Variants in ADAM19 observed in about 807,000 individuals in gnomAD.
The protein encoded by ADAM19 is disintegrin and metalloproteinase domain-containing protein 19.
Under a neutral mutation model 114.7 loss-of-function variants are expected in ADAM19, and 65 were observed. The observed-to-expected ratio is 0.57, with a 90% CI of 0.46 to 0.70. The LOEUF is 0.70. Among genes scored for constraint, ADAM19 ranks in the 30% least tolerant of loss-of-function variants. The probability of loss-of-function intolerance (pLI) is 0.00; values close to 1 mark genes in which losing one functional copy is unlikely to be tolerated. For synonymous variants in ADAM19, 466 were observed against 460.5 expected, an observed-to-expected ratio of 1.01 and a Z score of -0.15; for missense variants, 1,063 against 1,204.7, an observed-to-expected ratio of 0.88 and a Z score of 1.74.
intron 12 of ADAM19, among the ~76,000 whole-genome samples, chr5:157,500,739 T>C (rs1180217183): frequency 6.6e-6 from 1 of 152,210 alleles, no homozygotes; most frequent in Non-Finnish European, 1.5e-5. Flanking sequence ...AAGATCTCCA[T>C]GGGTTCCTTG....
At chr5:157,502,662 C>G (rs1755605833) in intron 12 of ADAM19, 141 bp downstream of exon 12, 9 of 913,948 alleles carry the variant, frequency 9.8e-6, no homozygotes, top group Non-Finnish European at 1.4e-5. Context: ...TTCTTCATAT[C>G]TGATTTTTCA....
intron 3 of ADAM19, among the ~76,000 whole-genome samples, chr5:157,542,425 T>C (rs368738010): frequency 3.3e-5 from 5 of 152,168 alleles, no homozygotes; most frequent in African/African-American, 9.7e-5. Flanking sequence ...TCGGAATGCT[T>C]TGGTTTAAGC....
chr5:157,575,546 G>T, intron 1 of ADAM19, 57 bp downstream of exon 1: 1 of 1,324,110 alleles, frequency 7.6e-7, no homozygotes, highest in Non-Finnish European at 9.9e-7. Flanking sequence ...GACCCGCAAG[G>T]CTACTCCCAG....
chr5:157,567,091 C>T (rs575732000), intron 2 of ADAM19, among the ~76,000 whole-genome samples: 1 of 152,208 alleles, frequency 6.6e-6, no homozygotes, highest in South Asian at 2.1e-4. Flanking sequence ...GTCACCTGTT[C>T]TGCCACCTCT....
At chr5:157,564,735 A>G (rs1366188739) in intron 2 of ADAM19, among the ~76,000 whole-genome samples, 1 of 152,232 alleles carries the variant, frequency 6.6e-6, no homozygotes, top group African/African-American at 2.4e-5. Context: ...AATCTCCAGC[A>G]GTAAATGTCC....
Position 157,530,866 on chromosome 5 carries a change from G to A in ADAM19, c.348C>T (p.His116=), listed in dbSNP as rs150188867. ...ACAGTTCTGTCTCCCTCACCGTGCC[G>A]TGGTAAAAGCAGTGATCCTAGCAAG... ...TRKLEDHCFY[H]GTVRETELSS... The change falls in exon 5 of 23, where the codon CAC becomes CAT. Residue 116 remains histidine, a synonymous_variant. Coordinates refer to ENST00000257527, the MANE Select transcript of ADAM19 (RefSeq NM_033274.5). The A allele has an allele frequency of 5.0e-6, 8 of 1,614,034 alleles. No individual in the cohort carries two copies. Among genetic ancestry groups the A allele is most frequent in the East Asian group, 2.2e-5 (1 of 44,900 alleles).
At position 157,477,454 on chromosome 5, in the gene ADAM19, C is replaced by A; in HGVS notation, c.*3495G>T. On this transcript the variant is annotated 3_prime_UTR_variant, in exon 23 of 23. Coordinates refer to ENST00000257527, the MANE Select transcript of ADAM19 (RefSeq NM_033274.5). ...GAGAAGAAGATCTGTTTTCCGTGAA[C>A]AATCTCCCAAATAAAAAGAAAATTC... 9.7e-7 allele frequency: 1 copy of A among 1,033,132 alleles called. No individual in the cohort carries two copies. Among genetic ancestry groups the A allele is most frequent in the Non-Finnish European group, 1.2e-6 (1 of 855,582 alleles). The allele number at this position is 1,033,132 out of a possible 1,614,324, so 64.0% of individuals were successfully genotyped here. A position where few individuals can be genotyped will look rare whatever the true frequency, so the allele number is the denominator to read the frequency against.
rs55867903 is a variant in ADAM19 at position 157,498,688 on chromosome 5, G to GTATATATATATATA, written c.1398+871_1398+884dup. Among the ~76,000 whole-genome samples the GTATATATATATATA allele has an allele frequency of 2.4e-3, 351 of 143,842 alleles. 4 individuals carry two copies. In the East Asian group the frequency reaches 0.044, roughly 18 times the overall value. The allele number at this position is 143,842 out of a possible 152,430, so 94.4% of individuals were successfully genotyped here. On this transcript the variant is annotated intron_variant, in intron 13 of 22. Coordinates refer to ENST00000257527, the MANE Select transcript of ADAM19 (RefSeq NM_033274.5). ...CATATATAATTACACATGTGTGTATGTATATATATATATATATATATATGG... is the reference window on the plus strand; with the variant it reads ...CATATATAATTACACATGTGTGTATGTATATATATATATATATATATATATATATATATATATGG...
At chr5:157,491,564 G>A in intron 18 of ADAM19, 51 bp downstream of exon 18, 1 of 1,307,054 alleles carries the variant, frequency 7.7e-7, no homozygotes, top group Non-Finnish European at 1.0e-6. Flanking sequence ...TGCCCCTGAT[G>A]CCCGCTCTTC....
chr5:157,530,730 C>T, intron 5 of ADAM19, 77 bp downstream of exon 5: 1 of 1,305,344 alleles, frequency 7.7e-7, no homozygotes, highest in Non-Finnish European at 1.1e-6. Flanking sequence ...AAGGTCCTTG[C>T]CTCAGCCTTG....
chr5:157,477,855 C>CGGCGACCACCG lies in ADAM19; in HGVS notation c.*3093_*3094insCGGTGGTCGCC. On this transcript the variant is annotated 3_prime_UTR_variant, in exon 23 of 23. Transcript: ENST00000257527. ...TCAGGGGGAAGGGACTATGGCAATA[C>CGGCGACCACCG]AAAAAAACACTCCAACCAGAAAATC... is the stretch of plus-strand genomic sequence containing the variant. 2 of 513,260 alleles carry CGGCGACCACCG rather than the reference C, an allele frequency of 3.9e-6. No homozygotes were observed. Among genetic ancestry groups the CGGCGACCACCG allele is most frequent in the East Asian group, 7.3e-5 (1 of 13,792 alleles). The allele number at this position is 513,260 out of a possible 1,614,324, so 31.8% of individuals were successfully genotyped here. A position where few individuals can be genotyped will look rare whatever the true frequency, so the allele number is the denominator to read the frequency against.
At chr5:157,511,897 T>C (rs1015060512) in intron 8 of ADAM19, among the ~76,000 whole-genome samples, 1 of 152,232 alleles carries the variant, frequency 6.6e-6, no homozygotes, top group East Asian at 1.9e-4. Context: ...GGACTGGGGC[T>C]TGCTGGTGCC....
intron 3 of ADAM19, among the ~76,000 whole-genome samples, chr5:157,560,300 T>C (rs888920273): frequency 7.1e-6 from 1 of 141,634 alleles, no homozygotes; most frequent in Non-Finnish European, 1.5e-5. Context: ...AAAGAGGTAG[T>C]GCAGAAAGAG....
intron 2 of ADAM19, among the ~76,000 whole-genome samples, chr5:157,564,886 T>C (rs188457008): frequency 3.1e-3 from 478 of 152,270 alleles, no homozygotes; most frequent in South Asian, 0.024. Flanking sequence ...GGGGATCTTG[T>C]AAGGATTGAG....
In ADAM19 at chr5:157,518,899, G is replaced by A; in HGVS notation, c.601-11C>T. The A allele has an allele frequency of 1.2e-6, 2 of 1,612,468 alleles. No homozygotes were observed. Among genetic ancestry groups the A allele is most frequent in the East Asian group, 2.2e-5 (1 of 44,872 alleles). On this transcript the variant is annotated splice_polypyrimidine_tract_variant and intron_variant, in intron 6 of 22. Transcript: ENST00000257527. ...ATCTTCCCTTTTCATCTAAGAAAGA[G>A]AAACAGATCAGCGCTGTAGAAATAG...
chr5:157,570,753 T>A (rs1757796590), intron 2 of ADAM19, 142 bp downstream of exon 2: 2 of 630,380 alleles, frequency 3.2e-6, no homozygotes, highest in Non-Finnish European at 5.6e-6. Flanking sequence ...CCATCTGTGA[T>A]CTCCAAAATG....
At chr5:157,527,771 G>A (rs1019782518) in intron 5 of ADAM19, among the ~76,000 whole-genome samples, 11 of 152,082 alleles carry the variant, frequency 7.2e-5, no homozygotes, top group African/African-American at 2.7e-4. Flanking sequence ...CTAGGAAGGG[G>A]GAAAATCTGG....
At chr5:157,571,677 G>A (rs1049044048) in intron 1 of ADAM19, among the ~76,000 whole-genome samples, 2 of 152,128 alleles carry the variant, frequency 1.3e-5, no homozygotes, top group Non-Finnish European at 1.5e-5. Context: ...GAGGCAGAGC[G>A]GCGAGAGTGA....
chr5:157,482,869 T>C (rs1309704334), intron 21 of ADAM19, among the ~76,000 whole-genome samples: 3 of 152,186 alleles, frequency 2.0e-5, no homozygotes, highest in Non-Finnish European at 4.4e-5. Flanking sequence ...TGGAATACTA[T>C]GCAGCCATAA....
Sources: gnomAD v4.1 joint callset for allele counts (sites outside exome capture counted in the v4.1 genomes callset) on GRCh38, gnomAD v4.1.1 for gene constraint, MANE v1.5 for transcripts, NCBI Gene and HGNC (gene_info 2026-07-23, HGNC 2026-07-21) for gene names.